The following FNDC3A variants were observed in gnomAD, a reference collection of about 807,000 sequenced individuals.
The protein encoded by FNDC3A is fibronectin type-III domain-containing protein 3A.
A neutral mutation model predicts 148.9 loss-of-function variants in FNDC3A; 32 were observed. The observed-to-expected ratio is 0.21, with a 90% confidence interval of 0.16 to 0.29. The LOEUF (loss-of-function observed/expected upper bound fraction) is 0.29, where lower values mean the gene tolerates loss of function less well. Among genes scored for constraint, FNDC3A ranks in the 10% least tolerant of loss-of-function variants. The probability of loss-of-function intolerance (pLI) is 1.00; values close to 1 mark genes in which losing one functional copy is unlikely to be tolerated. For missense variants in FNDC3A, 1,191 were observed against 1,452.8 expected, an observed-to-expected ratio of 0.82 and a Z score of 2.93; for synonymous variants, 472 against 473.6, an observed-to-expected ratio of 1.00 and a Z score of 0.04.
chr13:49,171,190 G>A (rs952005902), intron 10 of FNDC3A, among the ~76,000 whole-genome samples: 2 of 152,056 alleles, frequency 1.3e-5, no homozygotes, highest in South Asian at 2.1e-4. Flanking sequence ...CTGTATTAGC[G>A]TTTAACAAAT....
chr13:49,041,261 T>C (rs552075216), intron 2 of FNDC3A, among the ~76,000 whole-genome samples: 1 of 152,358 alleles, frequency 6.6e-6, no homozygotes, highest in East Asian at 1.9e-4. Context: ...CTATTTAGTC[T>C]TTTAATAATT....
chr13:49,020,832 G>A (rs913831091), intron 2 of FNDC3A, among the ~76,000 whole-genome samples: 2 of 152,176 alleles, frequency 1.3e-5, no homozygotes, highest in Middle Eastern at 3.2e-3. Flanking sequence ...TTGTTACTAG[G>A]TTAAGTAACA....
intron 2 of FNDC3A, among the ~76,000 whole-genome samples, chr13:49,058,750 ACTAGT>A (rs1876440179): frequency 6.6e-6 from 1 of 152,206 alleles, no homozygotes; most frequent in African/African-American, 2.4e-5. Flanking sequence ...TTCCTAGCAA[ACTAGT>A]TTAAGTGTCT....
chr13:49,089,717 C>G (rs1879058544), intron 3 of FNDC3A, among the ~76,000 whole-genome samples: 1 of 152,170 alleles, frequency 6.6e-6, no homozygotes, highest in Non-Finnish European at 1.5e-5. Context: ...CTCCAACCTC[C>G]AGATGAGAAT....
intron 7 of FNDC3A, 134 bp from the exon 8 acceptor site, chr13:49,145,644 T>A: frequency 1.4e-6 from 1 of 694,154 alleles, no homozygotes; most frequent in Non-Finnish European, 2.4e-6. Flanking sequence ...AATGGGCAGG[T>A]TTATATTTGT....
At chr13:49,045,814 G>GTTT in intron 2 of FNDC3A, 1 of 264,576 alleles carries the variant, frequency 3.8e-6, no homozygotes, top group Non-Finnish European at 6.5e-6. Flanking sequence ...TTTTTTCGTT[G>GTTT]TCAAATAAAT....
At chr13:49,158,384 C>G (rs1173698568) in intron 8 of FNDC3A, among the ~76,000 whole-genome samples, 2 of 152,232 alleles carry the variant, frequency 1.3e-5, no homozygotes, top group African/African-American at 4.8e-5. Context: ...TCGGCTCGCC[C>G]ACGGTACGCG....
intron 23 of FNDC3A, 46 bp downstream of exon 23, chr13:49,198,620 G>C (rs1310846230): frequency 3.5e-6 from 5 of 1,429,470 alleles, no homozygotes; most frequent in African/African-American, 1.4e-5. Context: ...TAGGTCTTAA[G>C]TATATACATT....
chr13:49,095,340 TAATATAG>T (rs1214607453), intron 3 of FNDC3A: 3 of 151,950 alleles, frequency 2.0e-5, no homozygotes, highest in Non-Finnish European at 4.4e-5. Flanking sequence ...TTTCATATCA[TAATATAG>T]AACTGGGTTA....
chr13:49,152,751 G>A (rs1593667314), intron 8 of FNDC3A, among the ~76,000 whole-genome samples: 1 of 148,154 alleles, frequency 6.7e-6, no homozygotes, highest in South Asian at 2.1e-4. Flanking sequence ...TCCCACCTAT[G>A]AGTGAGAATA....
intron 8 of FNDC3A, among the ~76,000 whole-genome samples, chr13:49,152,179 T>G (rs1407062281): frequency 6.6e-6 from 1 of 152,208 alleles, no homozygotes; most frequent in East Asian, 1.9e-4. Flanking sequence ...TTGAACTAGT[T>G]TACACTACCA....
chr13:49,140,985 T>G (rs550996502), intron 7 of FNDC3A, among the ~76,000 whole-genome samples: 18 of 152,196 alleles, frequency 1.2e-4, no homozygotes, highest in African/African-American at 3.6e-4. Flanking sequence ...CTGAGCAGCA[T>G]TTGAAAAGCA....
intron 13 of FNDC3A, among the ~76,000 whole-genome samples, chr13:49,177,276 A>C (rs894326116): frequency 1.3e-5 from 2 of 152,204 alleles, no homozygotes; most frequent in African/African-American, 4.8e-5. Flanking sequence ...CTAAAAGATG[A>C]GGAAATATTG....
chr13:49,018,655 T>G (rs1380880755), intron 2 of FNDC3A, among the ~76,000 whole-genome samples: 1 of 152,290 alleles, frequency 6.6e-6, no homozygotes, highest in Non-Finnish European at 1.5e-5. Context: ...GGAACTGCAT[T>G]CCTTTGGAGG....
intron 13 of FNDC3A, among the ~76,000 whole-genome samples, chr13:49,177,631 C>G (rs1025597171): frequency 3.9e-5 from 6 of 152,068 alleles, no homozygotes; most frequent in Admixed American, 3.3e-4. Context: ...GGAAGCAACC[C>G]AAATGTCCAT....
intron 2 of FNDC3A, among the ~76,000 whole-genome samples, chr13:49,033,312 A>G (rs989050573): frequency 6.6e-6 from 1 of 152,196 alleles, no homozygotes. Flanking sequence ...ATAGTCATGT[A>G]CAACAGTAAG....
intron 2 of FNDC3A, among the ~76,000 whole-genome samples, chr13:49,059,040 CA>C (rs1406047304): frequency 6.6e-6 from 1 of 152,080 alleles, no homozygotes; most frequent in Non-Finnish European, 1.5e-5. Context: ...TTTGTCATGT[CA>C]GAAAGTTAAA....
intron 2 of FNDC3A, among the ~76,000 whole-genome samples, chr13:49,062,909 T>G (rs1876996340): frequency 6.6e-6 from 1 of 152,188 alleles, no homozygotes; most frequent in Non-Finnish European, 1.5e-5. Context: ...AATGAATAAA[T>G]TTCACCTCCT....
At chr13:49,161,300 G>C (rs1162134079) in intron 8 of FNDC3A, among the ~76,000 whole-genome samples, 1 of 152,146 alleles carries the variant, frequency 6.6e-6, no homozygotes, top group East Asian at 1.9e-4. Flanking sequence ...GAATCTGGGT[G>C]TATATATATT....
Sources: gnomAD v4.1 joint callset for allele counts (sites outside exome capture counted in the v4.1 genomes callset) on GRCh38, gnomAD v4.1.1 for gene constraint, MANE v1.5 for transcripts, NCBI Gene and HGNC (gene_info 2026-07-23, HGNC 2026-07-21) for gene names.